The following PRKCSH variants were observed in gnomAD, a reference collection of about 807,000 sequenced individuals.
PRKCSH encodes PRKCSH beta subunit of glucosidase II.
A neutral mutation model predicts 79.7 loss-of-function variants in PRKCSH; 42 were observed. That is an observed-to-expected ratio of 0.53 (90% confidence interval 0.41 to 0.68). PRKCSH has a LOEUF of 0.68. PRKCSH is among the 30% of genes least tolerant of loss of function. The pLI, the probability that PRKCSH is intolerant of heterozygous loss-of-function variation, is 0.00. For missense variants in PRKCSH, 686 were observed against 709.0 expected, an observed-to-expected ratio of 0.97 and a Z score of 0.37; for synonymous variants, 325 against 288.2, an observed-to-expected ratio of 1.13 and a Z score of -1.29.
At position 11,448,770 on chromosome 19, in the gene PRKCSH, C is replaced by A; in HGVS notation, c.1286+141C>A. On this transcript the variant is annotated intron_variant, in intron 14 of 17. Transcript: ENST00000677123. The surrounding 1 kb of genome is among the most constrained non-coding windows in gnomAD (Gnocchi z 4.4). ...TGCTGCCTTCCATATTGAGGGGGAGCAGAAGCCAGGGGCCAGGTTTAGGGT... is the reference window on the plus strand; with the variant it reads ...TGCTGCCTTCCATATTGAGGGGGAGAAGAAGCCAGGGGCCAGGTTTAGGGT... The A allele has an allele frequency of 1.5e-6, 2 of 1,322,358 alleles. No homozygotes were observed. Among genetic ancestry groups the A allele is most frequent in the Non-Finnish European group, 2.2e-6 (2 of 921,910 alleles). The allele number at this position is 1,322,358 out of a possible 1,614,324, so 81.9% of individuals were successfully genotyped here.
At chr19:11,445,279 C>A (rs1970240835) in intron 7 of PRKCSH, 110 bp from the exon 8 acceptor site, 1 of 980,116 alleles carries the variant, frequency 1.0e-6, no homozygotes, top group Non-Finnish European at 1.6e-6. Context: ...CAGGGTCCAG[C>A]ATGGGGCCAG....
At chr19:11,446,969 G>T (rs1052759716) in intron 9 of PRKCSH, 105 bp from the exon 10 acceptor site, 1 of 1,262,656 alleles carries the variant, frequency 7.9e-7, no homozygotes, top group South Asian at 1.2e-5. Context: ...ATCAGGGCCC[G>T]GGGCCCAGCC....
At position 11,447,545 on chromosome 19, in the gene PRKCSH, A is replaced by AGGG; in HGVS notation, c.958_959insGGG (p.Glu319_Glu320insGly). 1 of 1,605,166 alleles carries AGGG rather than the reference A, an allele frequency of 6.2e-7. No individual in the cohort carries two copies. The highest frequency in any genetic ancestry group is 2.2e-5 in the East Asian group (1 of 44,672). On this transcript the variant is annotated inframe_insertion, in exon 11 of 18. Coordinates refer to ENST00000677123, the MANE Select transcript of PRKCSH (RefSeq NM_001289104.2). The surrounding 1 kb of genome is among the most constrained non-coding windows in gnomAD (Gnocchi z 5.6). Reference sequence around the variant, plus strand: ...CCCACAGAGGAGGAGGAGGAGGAGGAGGAGGAGGAGGAAGAAGAGGCTGAA... The same window carrying AGGG: ...CCCACAGAGGAGGAGGAGGAGGAGGAGGGGGAGGAGGAGGAAGAAGAGGCTGAA...
At chr19:11,446,224 G>A (rs765769462) in intron 8 of PRKCSH, 48 bp from the exon 9 acceptor site, 3 of 1,592,554 alleles carry the variant, frequency 1.9e-6, no homozygotes, top group Non-Finnish European at 8.6e-7. Flanking sequence ...CCAACTGAGA[G>A]CCACTGGGGC....
chr19:11,448,647 A>C lies in PRKCSH; in HGVS notation c.1286+18A>C, dbSNP rs750231388. On this transcript the variant is annotated intron_variant, in intron 14 of 17. Coordinates refer to ENST00000677123, the MANE Select transcript of PRKCSH (RefSeq NM_001289104.2). The surrounding 1 kb of genome is among the most constrained non-coding windows in gnomAD (Gnocchi z 4.4). ...ACCAACGAGTGCGTCCCAGGAATGC[A>C]GGGGCCCCCACTGGCAGGGTGGGAG... 6.2e-7 allele frequency: 1 copy of C among 1,611,560 alleles called. No individual in the cohort carries two copies. Among genetic ancestry groups the C allele is most frequent in the African/African-American group, 1.3e-5 (1 of 75,022 alleles).
At position 11,436,502 on chromosome 19, in the gene PRKCSH, C is replaced by G; in HGVS notation, c.193C>G (p.Pro65Ala). 6.2e-7 allele frequency: 1 copy of G among 1,608,926 alleles called. No individual in the cohort carries two copies. Residue 65 changes from proline to alanine, a missense_variant, in exon 3 of 18, where the codon CCA (proline) becomes GCA (alanine). Transcript: ENST00000677123. ...CGACTGCAAAGATGGCTCTGACGAG[C>G]CAGGTGAGCCTTTTCTCTGTTCATC... ...YCDCKDGSDE[P>A]GTAACPNGSF...
At chr19:11,440,754 A>T (rs929296599) in intron 5 of PRKCSH, among the ~76,000 whole-genome samples, 2 of 152,216 alleles carry the variant, frequency 1.3e-5, no homozygotes, top group Non-Finnish European at 2.9e-5. Flanking sequence ...CGCCCAGCCA[A>T]CCAACACACT....
intron 7 of PRKCSH, 52 bp from the exon 8 acceptor site, chr19:11,445,337 C>T: frequency 6.3e-7 from 1 of 1,581,578 alleles, no homozygotes; most frequent in South Asian, 1.1e-5. Flanking sequence ...GGTGCGGGGG[C>T]TGATGGGAGC....
In PRKCSH at chr19:11,445,469, G is replaced by A. The variant is rs764300193; in HGVS notation, c.679G>A (p.Gly227Arg). 1.2e-5 allele frequency: 19 copies of A among 1,613,918 alleles called. No individual in the cohort carries two copies. Among genetic ancestry groups the A allele is most frequent in the South Asian group, 5.5e-5 (5 of 91,078 alleles). Residue 227 changes from glycine (G) to arginine (R), a missense_variant, in exon 8 of 18, where the codon GGG becomes AGG. By Grantham distance (125) the Gly-to-Arg change is moderately radical (BLOSUM62 -2). Coordinates refer to ENST00000677123, the MANE Select transcript of PRKCSH (RefSeq NM_001289104.2). ...CAAGGAGCTGGATGATGACATGGAC[G>A]GGACGTGAGTGTCCCCTAGTTGGAG... The part of the protein sequence containing the change: ...AFKELDDDMD[G>R]TVSVTELQTH...
rs765490524 is a variant in PRKCSH at position 11,447,773 on chromosome 19, G to T, written c.1110G>T (p.Thr370=). The change falls in exon 12 of 18, where the codon ACG becomes ACT. Residue 370 remains threonine (T), a synonymous_variant. Coordinates refer to ENST00000677123, the MANE Select transcript of PRKCSH (RefSeq NM_001289104.2). This position sits in a 1 kb window ranked among gnomAD's most constrained non-coding sequence, Gnocchi z 5.6. The part of the protein sequence containing the change: ...EDKMPPYDEQ[T]QAFIDAAQEA... Reference sequence around the variant, plus strand: ...AAATGCCGCCCTACGACGAGCAGACGCAGGCCTTCATCGATGGTGAGGGTG... The same window carrying T: ...AAATGCCGCCCTACGACGAGCAGACTCAGGCCTTCATCGATGGTGAGGGTG... 4 of 1,583,474 alleles carry T rather than the reference G, an allele frequency of 2.5e-6. No individual in the cohort carries two copies.
At chr19:11,438,509 C>G (rs1196945374) in intron 5 of PRKCSH, among the ~76,000 whole-genome samples, 1 of 152,068 alleles carries the variant, frequency 6.6e-6, no homozygotes, top group African/African-American at 2.4e-5. Flanking sequence ...GTAATCCCAG[C>G]ACTTTGGGAG....
chr19:11,445,050 G>A (rs1174196002), intron 7 of PRKCSH, among the ~76,000 whole-genome samples: 1 of 151,914 alleles, frequency 6.6e-6, no homozygotes, highest in East Asian at 1.9e-4. Context: ...TTCTGCCCTC[G>A]CCCCCACCTC....
rs910979841 is a variant in PRKCSH at position 11,449,622 on chromosome 19, A to T, written c.*16+194A>T. 13 of 667,538 alleles carry T rather than the reference A, an allele frequency of 1.9e-5. No homozygotes were observed. Among genetic ancestry groups the T allele is most frequent in the Non-Finnish European group, 3.0e-5 (12 of 396,562 alleles). The allele number at this position is 667,538 out of a possible 1,614,324, so 41.4% of individuals were successfully genotyped here. On this transcript the variant is annotated intron_variant, in intron 17 of 17. Coordinates refer to ENST00000677123, the MANE Select transcript of PRKCSH (RefSeq NM_001289104.2). The surrounding 1 kb of genome is among the most constrained non-coding windows in gnomAD (Gnocchi z 6.4). Reference sequence around the variant, plus strand: ...CAGTGATGCGACCTCAGCTGACTGCAACCTCTACCTCCCGGGTTCAAACAA... The same window carrying T: ...CAGTGATGCGACCTCAGCTGACTGCTACCTCTACCTCCCGGGTTCAAACAA...
intron 6 of PRKCSH, 119 bp downstream of exon 6, chr19:11,441,476 T>C (rs1970059185): frequency 1.1e-6 from 1 of 916,416 alleles, no homozygotes; most frequent in South Asian, 1.3e-5. Context: ...GTGACTGCCT[T>C]TCGGAGCTTT....
At chr19:11,436,649 G>T in intron 3 of PRKCSH, 144 bp downstream of exon 3, 1 of 752,972 alleles carries the variant, frequency 1.3e-6, no homozygotes, top group East Asian at 2.7e-5. Flanking sequence ...TCAGTGTTAT[G>T]GCCCCGGGCA....
At position 11,449,844 on chromosome 19, in the gene PRKCSH, CTT is replaced by C. The variant is rs992377428; in HGVS notation, c.*16+426_*16+427del. 166 of 190,336 alleles carry C rather than the reference CTT, an allele frequency of 8.7e-4. No homozygotes were observed. Among genetic ancestry groups the C allele is most frequent in the South Asian group, 1.9e-3 (23 of 12,160 alleles). 11.8% of individuals were successfully genotyped at this position (190,336 alleles called of 1,614,324 possible). ...GCCACCACACCCGGCCATCTCCTGC[CTT>C]TTTTTTTTTGGATGGAGTTTCACTC... On this transcript the variant is annotated intron_variant, in intron 17 of 17. Coordinates refer to ENST00000677123, the MANE Select transcript of PRKCSH (RefSeq NM_001289104.2). The surrounding 1 kb of genome is among the most constrained non-coding windows in gnomAD (Gnocchi z 6.4).
Position 11,447,207 on chromosome 19 carries a change from C to G in PRKCSH, c.849+47C>G. 6.3e-7 allele frequency: 1 copy of G among 1,587,384 alleles called. No homozygotes were observed. The highest frequency in any genetic ancestry group is 8.6e-7 in the Non-Finnish European group (1 of 1,158,774). On this transcript the variant is annotated intron_variant, in intron 10 of 17. Coordinates refer to ENST00000677123, the MANE Select transcript of PRKCSH (RefSeq NM_001289104.2). This position sits in a 1 kb window ranked among gnomAD's most constrained non-coding sequence, Gnocchi z 5.6. Reference sequence around the variant, plus strand: ...GGACTTGGTCCTCCCACCACACTGCCCCCACCCCGCCTCACAAAGGAGCTG... The same window carrying G: ...GGACTTGGTCCTCCCACCACACTGCGCCCACCCCGCCTCACAAAGGAGCTG...
Position 11,435,660 on chromosome 19 carries a change from C to A in PRKCSH, c.-124C>A. 7.7e-7 allele frequency: 1 copy of A among 1,294,676 alleles called. No homozygotes were observed. Among genetic ancestry groups the A allele is most frequent in the Non-Finnish European group, 1.0e-6 (1 of 991,764 alleles). The allele number at this position is 1,294,676 out of a possible 1,614,324, so 80.2% of individuals were successfully genotyped here. A position where few individuals can be genotyped will look rare whatever the true frequency, so the allele number is the denominator to read the frequency against. ...CTTTCTGCAGCAGGAACCGCGGCTG[C>A]TGGACAAGAGGGGTGCGGTGGATAC... On this transcript the variant is annotated 5_prime_UTR_variant, in exon 1 of 18. In the 5' UTR this introduces an upstream ATG that the reference lacks. Transcript: ENST00000677123.
intron 7 of PRKCSH, among the ~76,000 whole-genome samples, chr19:11,444,507 G>A (rs775347527): frequency 1.3e-5 from 2 of 152,128 alleles, no homozygotes; most frequent in South Asian, 2.1e-4. Context: ...TGGGACATGC[G>A]GGATGTCCTG....
Sources: allele counts gnomAD v4.1 joint callset (sites outside exome capture counted in the v4.1 genomes callset), GRCh38; gene constraint gnomAD v4.1.1; non-coding constraint Gnocchi (gnomAD v3.1); transcripts MANE v1.5; gene names NCBI Gene and HGNC (gene_info 2026-07-23, HGNC 2026-07-21).